The following CALM2 variants were observed in gnomAD, a reference collection of about 807,000 sequenced individuals.
CALM2 encodes the protein calmodulin 2.
Under a neutral mutation model 19.8 loss-of-function variants are expected in CALM2, and 2 were observed. That is an observed-to-expected ratio of 0.10 (90% CI 0.04 to 0.32). The LOEUF (loss-of-function observed/expected upper bound fraction) is 0.32, where lower values mean the gene tolerates loss of function less well. Ranked by LOEUF, CALM2 falls within the 10% of genes least tolerant of loss-of-function variation. The pLI is 1.00. For missense variants in CALM2, 38 were observed against 178.7 expected (o/e 0.21, Z 4.49); for synonymous variants, 51 against 52.1 (o/e 0.98, Z 0.09).
chr2:47,175,085 T>TG (rs1558702444), intron 1 of CALM2, among the ~76,000 whole-genome samples: 7 of 130,638 alleles, frequency 5.4e-5, no homozygotes, highest in African/African-American at 2.3e-4. Flanking sequence ...TTAGGTGTTT[T>TG]TTTTTTTTTT....
intron 3 of CALM2, 53 bp downstream of exon 3, chr2:47,162,466 A>T (rs559299165): frequency 1.9e-6 from 3 of 1,611,698 alleles, no homozygotes; most frequent in African/African-American, 2.7e-5. Context: ...TAGTGGAAAC[A>T]TCTAAGTATC....
At chr2:47,173,628 T>TG (rs1448354494) in intron 1 of CALM2, 2 of 152,234 alleles carry the variant, frequency 1.3e-5, no homozygotes, top group Admixed American at 6.5e-5. Flanking sequence ...TGAATACTGT[T>TG]GGAGTTTATC....
At chr2:47,175,440 C>G (rs1434903279) in intron 1 of CALM2, among the ~76,000 whole-genome samples, 5 of 152,192 alleles carry the variant, frequency 3.3e-5, no homozygotes, top group African/African-American at 7.2e-5. Flanking sequence ...TGCTTCCCTC[C>G]GGCGGTGAAC....
intron 2 of CALM2, among the ~76,000 whole-genome samples, chr2:47,165,651 T>G (rs924960057): frequency 3.3e-5 from 5 of 152,206 alleles, no homozygotes; most frequent in Admixed American, 3.3e-4. Context: ...ATCCTTTTTT[T>G]CCACTCCTTG....
At chr2:47,168,662 A>G (rs192896418) in intron 2 of CALM2, among the ~76,000 whole-genome samples, 377 of 152,256 alleles carry the variant, frequency 2.5e-3, no homozygotes, top group African/African-American at 6.8e-3. Flanking sequence ...CCCGGGAGAC[A>G]GAAGTTGAGC....
At position 47,171,619 on chromosome 2, in the gene CALM2, C is replaced by T. The variant is rs193187734; in HGVS notation, c.4-855G>A. ...TAAAGATGATTGCAAAATATCCAGA[C>T]TCCTTGTTGTATTCTTTGAACATGC... On this transcript the variant is annotated intron_variant, in intron 1 of 5. Transcript: ENST00000272298. 4.6e-5 allele frequency: 7 copies of T among 152,268 alleles called. No individual in the cohort carries two copies. The East Asian group carries it at 1.3e-3, about 29-fold the overall frequency. The allele number at this position is 152,268 out of a possible 1,614,324, so 9.4% of individuals were successfully genotyped here. A position where few individuals can be genotyped will look rare whatever the true frequency, so the allele number is the denominator to read the frequency against.
intron 1 of CALM2, chr2:47,172,635 T>G: frequency 2.8e-6 from 1 of 361,554 alleles, no homozygotes; most frequent in Non-Finnish European, 5.0e-6. Flanking sequence ...CTGAGAAAAT[T>G]TATGCAAACT....
intron 2 of CALM2, 109 bp downstream of exon 2, chr2:47,170,625 C>A: frequency 1.2e-6 from 1 of 865,168 alleles, no homozygotes; most frequent in South Asian, 1.3e-5. Context: ...TGTTAGTATC[C>A]ATGACATATA....
intron 4 of CALM2, 115 bp downstream of exon 4, chr2:47,162,171 C>CAAAAAAAAAAA (rs56839340): frequency 7.7e-4 from 100 of 130,130 alleles, no homozygotes; most frequent in Admixed American, 1.4e-3. Context: ...GGTAAATCAT[C>CAAAAAAAAAAA]AAAAAAAAAA....
intron 1 of CALM2, chr2:47,176,195 C>T (rs1328663237): frequency 1.9e-6 from 1 of 523,618 alleles, no homozygotes; most frequent in African/African-American, 1.9e-5. Context: ...CCCCGAGGAG[C>T]TTCACCACCT....
intron 1 of CALM2, chr2:47,172,774 G>A (rs1309922198): frequency 7.4e-6 from 1 of 135,204 alleles, no homozygotes; most frequent in East Asian, 2.4e-4. Context: ...CTCTGTACAG[G>A]AAGGGAGACA....
chr2:47,173,708 T>G (rs912910041), intron 1 of CALM2: 1 of 152,250 alleles, frequency 6.6e-6, no homozygotes, highest in African/African-American at 2.4e-5. Flanking sequence ...CGCAAACTGC[T>G]ATCCTTCATC....
At chr2:47,161,647 C>T (rs1687159553) in intron 5 of CALM2, 76 bp downstream of exon 5, 10 of 1,370,154 alleles carry the variant, frequency 7.3e-6, no homozygotes, top group Admixed American at 4.6e-5. Context: ...TCACTAATTT[C>T]GATCAGTTCC....
intron 5 of CALM2, among the ~76,000 whole-genome samples, chr2:47,161,061 T>C (rs1279488043): frequency 2.0e-5 from 3 of 152,190 alleles, no homozygotes; most frequent in Non-Finnish European, 2.9e-5. Flanking sequence ...TTCTTGGCTC[T>C]TAGTTTAGAC....
intron 2 of CALM2, among the ~76,000 whole-genome samples, chr2:47,166,640 C>T (rs1666483563): frequency 6.6e-6 from 1 of 151,974 alleles, no homozygotes; most frequent in South Asian, 2.1e-4. Context: ...TAAAAAATAC[C>T]TGTAAAAACT....
intron 5 of CALM2, 96 bp downstream of exon 5, chr2:47,161,627 A>ATGGG (rs1687158703): frequency 5.6e-5 from 61 of 1,097,374 alleles, no homozygotes; most frequent in Non-Finnish European, 7.9e-5. Context: ...ACCTAATTTC[A>ATGGG]GGGGAAGGGT....
intron 2 of CALM2, among the ~76,000 whole-genome samples, chr2:47,168,773 T>C (rs980627295): frequency 3.3e-5 from 3 of 90,170 alleles, no homozygotes; most frequent in Non-Finnish European, 6.6e-5. Context: ...TTATATTCAA[T>C]AGACACAAAC....
intron 1 of CALM2, chr2:47,172,807 T>TGGGGG (rs56098000): frequency 1.1e-4 from 4 of 36,730 alleles, no homozygotes; most frequent in Non-Finnish European, 1.8e-4. Flanking sequence ...CTACATGGGT[T>TGGGGG]GGGGGGGGGG....
intron 1 of CALM2, chr2:47,173,222 C>A (rs908109318): frequency 6.6e-6 from 1 of 152,112 alleles, no homozygotes; most frequent in African/African-American, 2.4e-5. Context: ...GCTACAAAGG[C>A]GAATAAATTT....
Sources: gnomAD v4.1 joint callset for allele counts (sites outside exome capture counted in the v4.1 genomes callset) on GRCh38, gnomAD v4.1.1 for gene constraint, MANE v1.5 for transcripts, NCBI Gene and HGNC (gene_info 2026-07-23, HGNC 2026-07-21) for gene names.